The following ZC3H12C variants were observed in gnomAD, a reference collection of about 807,000 sequenced individuals.
ZC3H12C encodes the protein probable ribonuclease ZC3H12C.
Under a neutral mutation model 76.3 loss-of-function variants are expected in ZC3H12C, and 20 were observed. The observed-to-expected ratio is 0.26, with a 90% CI of 0.18 to 0.38. The LOEUF (loss-of-function observed/expected upper bound fraction) is 0.38. ZC3H12C is among the 10% of genes least tolerant of loss of function. The pLI is 1.00. For missense variants in ZC3H12C, 874 were observed against 1,086.5 expected (o/e 0.80, Z 2.75); for synonymous variants, 352 against 399.6 (o/e 0.88, Z 1.42).
intron 2 of ZC3H12C, among the ~76,000 whole-genome samples, chr11:110,146,492 T>C (rs906818384): frequency 1.3e-5 from 2 of 152,210 alleles, no homozygotes; most frequent in African/African-American, 4.8e-5. Context: ...TCCTGTCTGA[T>C]TTCCCGAGGG....
intron 2 of ZC3H12C, among the ~76,000 whole-genome samples, chr11:110,141,509 T>C (rs1862067331): frequency 6.6e-6 from 1 of 152,194 alleles, no homozygotes; most frequent in South Asian, 2.1e-4. Flanking sequence ...TTCAATTGTT[T>C]GGTTGGTTTT....
chr11:110,163,157 T>C, intron 4 of ZC3H12C, 116 bp from the exon 5 acceptor site: 1 of 764,206 alleles, frequency 1.3e-6, no homozygotes, highest in South Asian at 2.2e-5. Flanking sequence ...ATCAAAACAC[T>C]TGGATTAAAA....
At chr11:110,132,925 C>T (rs531543923) in intron 1 of ZC3H12C, among the ~76,000 whole-genome samples, 11 of 151,918 alleles carry the variant, frequency 7.2e-5, no homozygotes, top group Non-Finnish European at 1.3e-4. Flanking sequence ...TGGTCTTTTC[C>T]GTTCTTTTAA....
chr11:110,127,572 T>TTACTTCCATGG lies in ZC3H12C; in HGVS notation c.22-9089_22-9079dup, dbSNP rs1009097854. Among the ~76,000 whole-genome samples, 9 of 152,182 alleles carry TTACTTCCATGG rather than the reference T, an allele frequency of 5.9e-5. No homozygotes were observed. In the South Asian group the frequency reaches 1.9e-3, roughly 32 times the overall value. ...GTTGGGAAAATCTGATATAATAATC[T>TTACTTCCATGG]TACTTCCATGGTGTTATCATTAGGA... On this transcript the variant is annotated intron_variant, in intron 1 of 5. Coordinates refer to ENST00000278590, the MANE Select transcript of ZC3H12C (RefSeq NM_033390.2).
chr11:110,156,727 G>T (rs1862383094), intron 3 of ZC3H12C, among the ~76,000 whole-genome samples: 1 of 152,182 alleles, frequency 6.6e-6, no homozygotes, highest in Admixed American at 6.5e-5. Flanking sequence ...ATCTACTGAT[G>T]TGCCTCATGG....
chr11:110,115,736 T>C (rs1159304852), intron 1 of ZC3H12C, among the ~76,000 whole-genome samples: 2 of 147,342 alleles, frequency 1.4e-5, no homozygotes, highest in Admixed American at 1.4e-4. Flanking sequence ...CACTTAACTG[T>C]TTTCTCATTT....
At chr11:110,140,759 A>G (rs892924654) in intron 2 of ZC3H12C, among the ~76,000 whole-genome samples, 4 of 152,204 alleles carry the variant, frequency 2.6e-5, no homozygotes, top group African/African-American at 7.2e-5. Context: ...TTTGTTGGCT[A>G]ATAATCTCAC....
rs1463026413 is a variant in ZC3H12C, at chr11:110,103,706, T to C, written c.21+10274T>C. Reference sequence around the variant, plus strand: ...CTGCAAGCTCCGCCTCTCGGGTTCATGCCACTCTCCTGACTCAGCCTCCCC... The same window carrying C: ...CTGCAAGCTCCGCCTCTCGGGTTCACGCCACTCTCCTGACTCAGCCTCCCC... On this transcript the variant is annotated intron_variant, in intron 1 of 5. Transcript: ENST00000278590. 6.6e-5 allele frequency among the ~76,000 whole-genome samples: 10 copies of C among 151,576 alleles called. No homozygotes were observed. In the East Asian group the frequency reaches 7.9e-4, roughly 12 times the overall value.
At chr11:110,122,216 G>A (rs1026950851) in intron 1 of ZC3H12C, among the ~76,000 whole-genome samples, 5 of 152,122 alleles carry the variant, frequency 3.3e-5, no homozygotes, top group African/African-American at 7.2e-5. Context: ...ATGAGATGAC[G>A]TCTGACCAGG....
intron 1 of ZC3H12C, among the ~76,000 whole-genome samples, chr11:110,119,747 T>G (rs2134161871): frequency 6.6e-6 from 1 of 152,336 alleles, no homozygotes; most frequent in Non-Finnish European, 1.5e-5. Flanking sequence ...GTCCTCTTCC[T>G]CATCAGTGGG....
chr11:110,167,063 A>AGAT lies in ZC3H12C; in HGVS notation c.*1327_*1329dup, dbSNP rs1336946172. 1.3e-5 allele frequency: 2 copies of AGAT among 152,214 alleles called. No homozygotes were observed. The highest frequency in any genetic ancestry group is 4.8e-5 in the African/African-American group (2 of 41,444). 9.4% of individuals were successfully genotyped at this position (152,214 alleles called of 1,614,324 possible). On this transcript the variant is annotated 3_prime_UTR_variant, in exon 6 of 6. Coordinates refer to ENST00000278590, the MANE Select transcript of ZC3H12C (RefSeq NM_033390.2). Reference sequence around the variant, plus strand: ...GGTGAATACATTTCTGCGGAGTAGAAGATAGATTTTGCAGTCAGTGGCAGA... The same window carrying AGAT: ...GGTGAATACATTTCTGCGGAGTAGAAGATGATAGATTTTGCAGTCAGTGGCAGA...
At chr11:110,131,356 G>A in intron 1 of ZC3H12C, 1 of 450,112 alleles carries the variant, frequency 2.2e-6, no homozygotes, top group Non-Finnish European at 3.9e-6. Context: ...ATTAGGCATG[G>A]CGTATAATCA....
chr11:110,115,841 A>G (rs1368905340), intron 1 of ZC3H12C, among the ~76,000 whole-genome samples: 1 of 148,826 alleles, frequency 6.7e-6, no homozygotes, highest in Non-Finnish European at 1.5e-5. Flanking sequence ...GCTCACTGCA[A>G]CCTTCGCCTC....
At chr11:110,107,817 T>A (rs1861358739) in intron 1 of ZC3H12C, among the ~76,000 whole-genome samples, 1 of 151,996 alleles carries the variant, frequency 6.6e-6, no homozygotes, top group Non-Finnish European at 1.5e-5. Context: ...TGTGAGCCAC[T>A]GCACCTGGCC....
At position 110,170,886 on chromosome 11, in the gene ZC3H12C, T is replaced by G. The variant is rs1331763591; in HGVS notation, c.*5149T>G. 1 of 152,220 alleles carries G rather than the reference T, an allele frequency of 6.6e-6. No individual in the cohort carries two copies. The highest frequency in any genetic ancestry group is 1.5e-5 in the Non-Finnish European group (1 of 68,026). The allele number at this position is 152,220 out of a possible 1,614,324, so 9.4% of individuals were successfully genotyped here. On this transcript the variant is annotated 3_prime_UTR_variant, in exon 6 of 6. Transcript: ENST00000278590. ...GGTTACTTTGTTTTTCCTTAATACTTTCTGTTAACTTAATTATTACTCCTG... is the reference window on the plus strand; with the variant it reads ...GGTTACTTTGTTTTTCCTTAATACTGTCTGTTAACTTAATTATTACTCCTG...
chr11:110,136,680 C>A lies in ZC3H12C; in HGVS notation c.39C>A (p.Cys13Ter). ...GGGSQEYGVLCIQEYRKNSKV... is the reference protein window; with the variant it reads ...GGGSQEYGVL ...TTCTCTAGGAATACGGGGTGCTTTG[C>A]ATTCAGGAATACAGAAAAAACAGCA... Residue 13 changes from cysteine (C) to a stop codon, truncating the protein, a stop_gained, in exon 2 of 6, where the codon TGC (cysteine) becomes TGA (stop). Transcript: ENST00000278590. LOFTEE classifies it high-confidence loss of function. The A allele has an allele frequency of 6.2e-7, 1 of 1,613,236 alleles. No individual in the cohort carries two copies. The highest frequency in any genetic ancestry group is 8.5e-7 in the Non-Finnish European group (1 of 1,179,604).
intron 4 of ZC3H12C, among the ~76,000 whole-genome samples, chr11:110,161,547 C>A (rs377295456): frequency 2.0e-5 from 3 of 152,266 alleles, no homozygotes; most frequent in Non-Finnish European, 4.4e-5. Flanking sequence ...AATATATTTT[C>A]TCATTTAATT....
At position 110,136,903 on chromosome 11, in the gene ZC3H12C, G is replaced by A. The variant is rs1413249878; in HGVS notation, c.262G>A (p.Gly88Ser). 1.2e-6 allele frequency: 2 copies of A among 1,613,726 alleles called. No homozygotes were observed. Among genetic ancestry groups the A allele is most frequent in the Non-Finnish European group, 1.7e-6 (2 of 1,179,810 alleles). Residue 88 changes from glycine (G) to serine (S), a missense_variant, in exon 2 of 6, where the codon GGT (glycine) becomes AGT (serine). Around this residue, in one of 3 missense-constraint regions of ZC3H12C, gnomAD observed 210 missense variants for 227.1 expected, o/e 0.92. Coordinates refer to ENST00000278590, the MANE Select transcript of ZC3H12C (RefSeq NM_033390.2). ...GGCGTCTGAAGAGAATGCAAGCTCT[G>A]GTGACTCTGAAGAAAACACAAATTC... ...KEASEENASS[G>S]DSEENTNSDH...
Position 110,165,218 on chromosome 11 carries a change from G to A in ZC3H12C, c.2133G>A (p.Pro711=), listed in dbSNP as rs368064377. The change falls in exon 6 of 6, where the codon CCG becomes CCA. Residue 711 remains proline, a synonymous_variant. Coordinates refer to ENST00000278590, the MANE Select transcript of ZC3H12C (RefSeq NM_033390.2). ...PPLPHLALHL[P]HSAVGARSSC... is the part of the protein sequence containing the mutation. ...TTCCGCACCTGGCTCTGCACCTGCC[G>A]CACTCCGCTGTGGGCGCCCGGTCCA... 3.1e-6 allele frequency: 5 copies of A among 1,613,790 alleles called. No homozygotes were observed. In the African/African-American group the frequency reaches 4.0e-5, roughly 13 times the overall value.
Sources: gnomAD v4.1 joint callset for allele counts (sites outside exome capture counted in the v4.1 genomes callset) on GRCh38, gnomAD v4.1.1 for gene constraint, gnomAD v4.1.1 regional missense constraint, MANE v1.5 for transcripts, NCBI Gene and HGNC (gene_info 2026-07-23, HGNC 2026-07-21) for gene names.